Variants in SDK2 observed in about 807,000 individuals in gnomAD.
The protein encoded by SDK2 is sidekick cell adhesion molecule 2, also known as protein sidekick-2.
In SDK2, 105 loss-of-function variants were observed where a neutral mutation model predicts 253.9. That is an observed-to-expected ratio of 0.41 (90% CI 0.35 to 0.49). SDK2 has a LOEUF of 0.49. Among genes scored for constraint, SDK2 ranks in the 20% least tolerant of loss-of-function variants. The pLI is 0.06. For missense variants in SDK2, 2,608 were observed against 3,003.0 expected (o/e 0.87, Z 3.07); for synonymous variants, 1,249 against 1,234.9 (o/e 1.01, Z -0.24).
intron 3 of SDK2, among the ~76,000 whole-genome samples, chr17:73,457,228 TTCCTTC>T (rs2063532059): frequency 1.0e-4 from 1 of 9,902 alleles, no homozygotes. Context: ...TTTCTCTTCC[TTCCTTC>T]CTTCCTTCCT....
At chr17:73,633,100 G>A (rs1252467252) in intron 1 of SDK2, among the ~76,000 whole-genome samples, 4 of 149,162 alleles carry the variant, frequency 2.7e-5, no homozygotes, top group Admixed American at 2.7e-4. Context: ...CTAGGCAACC[G>A]AGCAAGACCC....
intron 34 of SDK2, among the ~76,000 whole-genome samples, chr17:73,380,057 TGA>T (rs1172679360): frequency 6.6e-6 from 1 of 152,170 alleles, no homozygotes; most frequent in Non-Finnish European, 1.5e-5. Flanking sequence ...GGTGCTTGGC[TGA>T]GAATGCCTGG....
chr17:73,471,585 G>A (rs1273002244), intron 3 of SDK2, among the ~76,000 whole-genome samples: 1 of 152,182 alleles, frequency 6.6e-6, no homozygotes, highest in African/African-American at 2.4e-5. Flanking sequence ...ATGACAGAGT[G>A]AGACTCCAAC....
chr17:73,365,457 C>T (rs777399901), intron 37 of SDK2, 62 bp from the exon 38 acceptor site: 522 of 1,506,454 alleles, frequency 3.5e-4, no homozygotes, highest in Non-Finnish European at 4.5e-4. Flanking sequence ...GCCTCGGGTT[C>T]AGCTCCAAGG....
At chr17:73,466,311 C>T (rs1392435620) in intron 3 of SDK2, among the ~76,000 whole-genome samples, 1 of 152,202 alleles carries the variant, frequency 6.6e-6, no homozygotes, top group African/African-American at 2.4e-5. Flanking sequence ...TCTGGGGACC[C>T]ACTGCAATGG....
chr17:73,425,492 G>C (rs990521647), intron 12 of SDK2, among the ~76,000 whole-genome samples: 1 of 152,082 alleles, frequency 6.6e-6, no homozygotes, highest in Non-Finnish European at 1.5e-5. Flanking sequence ...TTGTGATCTT[G>C]GGTGAGCTAA....
rs143618909 is a variant in SDK2, at chr17:73,405,780, C to T, written c.2485-3639G>A. On this transcript the variant is annotated intron_variant, in intron 18 of 44. Transcript: ENST00000392650. ...TGTCGCCCAGGCTGGAGTGCAGTGG[C>T]GCGATCTCCGCTCACTGCAAGCTCC... 3.4e-3 allele frequency among the ~76,000 whole-genome samples: 512 copies of T among 149,364 alleles called. 15 individuals carry two copies. In the East Asian group the frequency reaches 0.058, roughly 17 times the overall value.
Position 73,598,559 on chromosome 17 carries a change from T to TAGG in SDK2, c.64+45465_64+45466insCCT, listed in dbSNP as rs530183405. On this transcript the variant is annotated intron_variant, in intron 1 of 44. Coordinates refer to ENST00000392650, the MANE Select transcript of SDK2 (RefSeq NM_001144952.2). The stretch of plus-strand genomic sequence containing the variant: ...AGCTCTGCTCTTTATAGAAACCACC[T>TAGG]GCTAAACTAGGCCCACCTGAAACCC... Among the ~76,000 whole-genome samples, 265 of 152,316 alleles carry TAGG rather than the reference T, an allele frequency of 1.7e-3. 2 individuals carry two copies. The highest frequency in any genetic ancestry group is 6.2e-3 in the African/African-American group (256 of 41,568).
intron 29 of SDK2, among the ~76,000 whole-genome samples, chr17:73,388,401 G>T (rs1335071213): frequency 1.3e-5 from 2 of 152,202 alleles, no homozygotes; most frequent in Non-Finnish European, 2.9e-5. Context: ...GCAGGATGAG[G>T]TTGTTTCCCT....
At chr17:73,386,399 G>A in intron 31 of SDK2, 46 bp downstream of exon 31, 2 of 1,334,152 alleles carry the variant, frequency 1.5e-6, no homozygotes, top group East Asian at 5.0e-5. Flanking sequence ...TGCCCAGGAA[G>A]CAGCCAGTGG....
chr17:73,398,300 C>T lies in SDK2; in HGVS notation c.3203+20G>A. On this transcript the variant is annotated intron_variant, in intron 23 of 44. Transcript: ENST00000392650. ...CCCAGCCCTGAGGCTGCTGCCTTCTCCCCGGGCCAGTCTCATTACCTGTAG... is the reference window on the plus strand; with the variant it reads ...CCCAGCCCTGAGGCTGCTGCCTTCTTCCCGGGCCAGTCTCATTACCTGTAG... 1 of 1,611,850 alleles carries T rather than the reference C, an allele frequency of 6.2e-7. No individual in the cohort carries two copies. The highest frequency in any genetic ancestry group is 8.5e-7 in the Non-Finnish European group (1 of 1,178,238).
chr17:73,486,371 A>T (rs2063769218), intron 2 of SDK2, among the ~76,000 whole-genome samples: 1 of 152,150 alleles, frequency 6.6e-6, no homozygotes, highest in South Asian at 2.1e-4. Flanking sequence ...CACTTTGGGA[A>T]GCCGAGGCAG....
At chr17:73,344,520 A>T (rs1421554001) in intron 44 of SDK2, among the ~76,000 whole-genome samples, 1 of 152,244 alleles carries the variant, frequency 6.6e-6, no homozygotes, top group South Asian at 2.1e-4. Flanking sequence ...GACCAAGGGC[A>T]TACTGCCTCA....
chr17:73,497,489 C>G (rs1275776641), intron 2 of SDK2, among the ~76,000 whole-genome samples: 1 of 152,182 alleles, frequency 6.6e-6, no homozygotes, highest in Non-Finnish European at 1.5e-5. Flanking sequence ...TTGGACATCC[C>G]GATCCAGCAT....
At chr17:73,608,468 G>A (rs1293010898) in intron 1 of SDK2, among the ~76,000 whole-genome samples, 1 of 152,114 alleles carries the variant, frequency 6.6e-6, no homozygotes, top group Admixed American at 6.5e-5. Context: ...TTGAGAGGGA[G>A]TTTTGCCCTT....
At chr17:73,345,900 A>G (rs2062478819) in intron 44 of SDK2, among the ~76,000 whole-genome samples, 1 of 152,134 alleles carries the variant, frequency 6.6e-6, no homozygotes, top group Non-Finnish European at 1.5e-5. Flanking sequence ...GGTGCATAAT[A>G]AATAGTACAG....
In SDK2 at chr17:73,387,983, C is replaced by T. The variant is rs565119878; in HGVS notation, c.4247G>A (p.Arg1416His). The change falls in exon 30 of 45, where the codon CGC becomes CAC. Residue 1416 changes from arginine to histidine, a missense_variant. Physicochemically the swap from Arg to His is conservative, Grantham distance 29. Around this residue, in one of 2 missense-constraint regions of SDK2, gnomAD observed 1,103 missense variants for 1,143.9 expected, o/e 0.96. Coordinates refer to ENST00000392650, the MANE Select transcript of SDK2 (RefSeq NM_001144952.2). ...PMVQQEDVRA[R>H]SVLLSWEPGS... The stretch of plus-strand genomic sequence containing the variant: ...TGGCTCCCAGGACAGCAGCACGCTG[C>T]GTGCTCTCACATCCTCCTGCTGCAC... 3.2e-5 allele frequency: 51 copies of T among 1,570,228 alleles called. No individual in the cohort carries two copies. Among genetic ancestry groups the T allele is most frequent in the Admixed American group, 1.7e-4 (9 of 53,280 alleles).
At chr17:73,356,685 C>T (rs2062594792) in intron 40 of SDK2, among the ~76,000 whole-genome samples, 1 of 152,158 alleles carries the variant, frequency 6.6e-6, no homozygotes, top group East Asian at 1.9e-4. Flanking sequence ...ATGCCCCTTG[C>T]CCCCTCTCCT....
chr17:73,449,917 C>T (rs1380803987), intron 4 of SDK2, among the ~76,000 whole-genome samples: 2 of 151,932 alleles, frequency 1.3e-5, no homozygotes, highest in Non-Finnish European at 2.9e-5. Flanking sequence ...AGCGAAACTC[C>T]ATCTCAAAAA....
Sources: gnomAD v4.1 joint callset for allele counts (sites outside exome capture counted in the v4.1 genomes callset) on GRCh38, gnomAD v4.1.1 for gene constraint, gnomAD v4.1.1 regional missense constraint, MANE v1.5 for transcripts, NCBI Gene and HGNC (gene_info 2026-07-23, HGNC 2026-07-21) for gene names.